Variants in EXOC4 observed in about 807,000 individuals in gnomAD.
EXOC4 encodes the protein SEC8-like 1.
A neutral mutation model predicts 107.2 loss-of-function variants in EXOC4; 71 were observed. That is an observed-to-expected ratio of 0.66 (90% CI 0.55 to 0.81). The LOEUF (loss-of-function observed/expected upper bound fraction) is 0.81. Among genes scored for constraint, EXOC4 ranks in the 30% least tolerant of loss-of-function variants. The pLI, the probability that EXOC4 is intolerant of heterozygous loss-of-function variation, is 0.00. For missense variants in EXOC4, 1,108 were observed against 1,189.6 expected (o/e 0.93, Z 1.01); for synonymous variants, 456 against 441.2 (o/e 1.03, Z -0.42).
At chr7:133,992,267 C>T (rs1794279365) in intron 14 of EXOC4, among the ~76,000 whole-genome samples, 1 of 124,398 alleles carries the variant, frequency 8.0e-6, no homozygotes, top group African/African-American at 3.1e-5. Flanking sequence ...TCTAGAAATG[C>T]TACTGGATTT....
chr7:133,701,997 C>CTTTTT (rs71162021), intron 10 of EXOC4, among the ~76,000 whole-genome samples: 40 of 66,592 alleles, frequency 6.0e-4, no homozygotes, highest in African/African-American at 1.5e-3. Context: ...TTCTTTCTTT[C>CTTTTT]TTTTTTTTTT....
intron 10 of EXOC4, among the ~76,000 whole-genome samples, chr7:133,760,679 C>T (rs1446466166): frequency 6.6e-6 from 1 of 151,640 alleles, no homozygotes; most frequent in South Asian, 2.1e-4. Flanking sequence ...GGACCCAGGT[C>T]TCCTGGTTTT....
intron 10 of EXOC4, among the ~76,000 whole-genome samples, chr7:133,730,615 T>G (rs545390902): frequency 1.3e-5 from 2 of 152,290 alleles, no homozygotes; most frequent in Admixed American, 6.5e-5. Context: ...ATTAATCTTC[T>G]GTCTCTCCTC....
chr7:133,467,826 A>G (rs1021085495), intron 7 of EXOC4, among the ~76,000 whole-genome samples: 4 of 151,888 alleles, frequency 2.6e-5, no homozygotes, highest in Non-Finnish European at 5.9e-5. Context: ...CATGATCTTG[A>G]AGGCTTTTTT....
chr7:134,002,563 A>G (rs1277409806), intron 15 of EXOC4, among the ~76,000 whole-genome samples: 5 of 152,206 alleles, frequency 3.3e-5, no homozygotes, highest in African/African-American at 1.2e-4. Flanking sequence ...TGCAAAGTCC[A>G]TATCTGATAA....
At chr7:133,450,309 G>T (rs893680296) in intron 7 of EXOC4, among the ~76,000 whole-genome samples, 1 of 151,806 alleles carries the variant, frequency 6.6e-6, no homozygotes, top group African/African-American at 2.4e-5. Flanking sequence ...GGACTACAGG[G>T]GTGTGTCACC....
At chr7:134,094,247 C>A in the EXOC4 span, among the ~76,000 whole-genome samples, 213 of 152,190 alleles carry the variant, frequency 1.4e-3, 1 homozygote, top group Middle Eastern at 0.027. Context: ...ACTGATCCCC[C>A]AGAAATACAA....
intron 10 of EXOC4, among the ~76,000 whole-genome samples, chr7:133,645,451 C>T (rs957692383): frequency 6.6e-6 from 1 of 151,966 alleles, no homozygotes; most frequent in African/African-American, 2.4e-5. Flanking sequence ...TTCCTCTGTG[C>T]CCTTGTGGGA....
At chr7:133,678,701 C>T (rs1311948550) in intron 10 of EXOC4, among the ~76,000 whole-genome samples, 1 of 152,008 alleles carries the variant, frequency 6.6e-6, no homozygotes, top group Non-Finnish European at 1.5e-5. Context: ...TCCTCAACCT[C>T]CTGGGCTCAA....
chr7:133,318,212 A>G (rs10267630), intron 5 of EXOC4, among the ~76,000 whole-genome samples: 3,556 of 152,288 alleles, frequency 0.023, 139 homozygotes, highest in African/African-American at 0.081. Context: ...CTACAAACTT[A>G]TCTTTTCTTC....
At chr7:134,077,791 T>A in the EXOC4 span, among the ~76,000 whole-genome samples, 1 of 152,236 alleles carries the variant, frequency 6.6e-6, no homozygotes, top group Admixed American at 6.5e-5. Context: ...CCTGTAACCT[T>A]CACTATGGTG....
chr7:133,759,693 A>G (rs749230951), intron 10 of EXOC4, among the ~76,000 whole-genome samples: 14 of 152,204 alleles, frequency 9.2e-5, no homozygotes, highest in Non-Finnish European at 1.6e-4. Flanking sequence ...CCTTTCCTGT[A>G]TCCTCTATGA....
At chr7:133,635,864 G>A (rs1341221908) in intron 10 of EXOC4, among the ~76,000 whole-genome samples, 1 of 152,170 alleles carries the variant, frequency 6.6e-6, no homozygotes, top group Middle Eastern at 3.2e-3. Context: ...CAGCTCTATG[G>A]GATCAGGGCC....
intron 14 of EXOC4, among the ~76,000 whole-genome samples, chr7:133,951,965 G>A (rs919338748): frequency 1.3e-5 from 2 of 152,144 alleles, no homozygotes; most frequent in African/African-American, 4.8e-5. Context: ...TTACTAGCCT[G>A]GCCAACATGG....
At chr7:134,015,251 G>A (rs556613532) in intron 17 of EXOC4, among the ~76,000 whole-genome samples, 31 of 152,252 alleles carry the variant, frequency 2.0e-4, no homozygotes, top group African/African-American at 6.3e-4. Context: ...TTTAAAAAGC[G>A]TATATCTGAC....
At chr7:133,310,200 C>A (rs1398781826) in intron 4 of EXOC4, among the ~76,000 whole-genome samples, 1 of 152,100 alleles carries the variant, frequency 6.6e-6, no homozygotes, top group Non-Finnish European at 1.5e-5. Context: ...TTCTCTATTA[C>A]AAAGGATATT....
chr7:133,322,830 A>G (rs568460593), intron 5 of EXOC4, among the ~76,000 whole-genome samples: 1 of 152,268 alleles, frequency 6.6e-6, no homozygotes, highest in Admixed American at 6.5e-5. Flanking sequence ...TTTTCACGAC[A>G]TTGATTCTTC....
At chr7:133,404,900 A>ACG (rs1563053208) in intron 7 of EXOC4, among the ~76,000 whole-genome samples, 1 of 4,858 alleles carries the variant, frequency 2.1e-4, no homozygotes, top group Non-Finnish European at 4.0e-4. Context: ...ACACACACAC[A>ACG]CACGCACACA....
At chr7:133,747,077 G>A (rs1374513151) in intron 10 of EXOC4, among the ~76,000 whole-genome samples, 2 of 152,120 alleles carry the variant, frequency 1.3e-5, no homozygotes, top group African/African-American at 4.8e-5. Flanking sequence ...GTTGTTTGAA[G>A]CAGCACTTAG....
Sources: gnomAD v4.1 joint callset for allele counts (sites outside exome capture counted in the v4.1 genomes callset) on GRCh38, gnomAD v4.1.1 for gene constraint, MANE v1.5 for transcripts, NCBI Gene and HGNC (gene_info 2026-07-23, HGNC 2026-07-21) for gene names.